Variants in ARAP2 observed in about 807,000 individuals in gnomAD.
ARAP2 encodes ArfGAP with RhoGAP domain, ankyrin repeat and PH domain 2.
In ARAP2, 148 loss-of-function variants were observed where a neutral mutation model predicts 194.5. The ratio of observed to expected loss-of-function variants is 0.76; its 90% CI spans 0.67 to 0.87. The LOEUF (loss-of-function observed/expected upper bound fraction) is 0.87. Among genes scored for constraint, ARAP2 ranks in the 40% least tolerant of loss-of-function variants. The pLI, the probability that ARAP2 is intolerant of heterozygous loss-of-function variation, is 0.00. For missense variants in ARAP2, 2,128 were observed against 1,989.7 expected, an observed-to-expected ratio of 1.07 and a Z score of -1.32; for synonymous variants, 695 against 683.5, an observed-to-expected ratio of 1.02 and a Z score of -0.26.
At chr4:36,120,961 T>G (rs1459830872) in intron 23 of ARAP2, among the ~76,000 whole-genome samples, 1 of 151,594 alleles carries the variant, frequency 6.6e-6, no homozygotes, top group Non-Finnish European at 1.5e-5. Flanking sequence ...CAAACAGATA[T>G]CAGATGGTAA....
rs1428226569 is a variant in ARAP2, at chr4:36,244,249, C to G, written c.-230G>C. ...TGGGAAGCTCAGCGCCGGCGTCTCT[C>G]CCAGCCTTGGGCGCTCGGTCCTCGC... On this transcript the variant is annotated 5_prime_UTR_variant, in exon 1 of 33. Coordinates refer to ENST00000303965, the MANE Select transcript of ARAP2 (RefSeq NM_015230.4). The G allele has an allele frequency of 6.6e-6, 1 of 152,042 alleles. No homozygotes were observed. The highest frequency in any genetic ancestry group is 2.4e-5 in the African/African-American group (1 of 41,416). The allele number at this position is 152,042 out of a possible 1,614,324, so 9.4% of individuals were successfully genotyped here.
intron 2 of ARAP2, among the ~76,000 whole-genome samples, chr4:36,056,068 A>G (rs1438286136): frequency 1.3e-5 from 2 of 152,230 alleles, no homozygotes; most frequent in South Asian, 4.1e-4. Context: ...TGGGCAGAAA[A>G]TGATTAAGAA....
intron 26 of ARAP2, among the ~76,000 whole-genome samples, chr4:36,108,019 G>A (rs984512741): frequency 6.6e-6 from 1 of 151,668 alleles, no homozygotes; most frequent in African/African-American, 2.4e-5. Flanking sequence ...TCTACCCCTT[G>A]TACAATACAT....
intron 27 of ARAP2, among the ~76,000 whole-genome samples, chr4:36,103,593 T>C (rs920827162): frequency 6.6e-6 from 1 of 151,770 alleles, no homozygotes; most frequent in African/African-American, 2.4e-5. Context: ...TTGAGGACTA[T>C]TACCTTTGTT....
chr4:36,033,610 TATTG>T (rs1361002463), intron 5 of ARAP2, among the ~76,000 whole-genome samples: 2 of 151,746 alleles, frequency 1.3e-5, no homozygotes, highest in South Asian at 2.1e-4. Context: ...CTGTTTACTA[TATTG>T]ATTGTTTCTT....
intron 7 of ARAP2, among the ~76,000 whole-genome samples, chr4:36,189,971 A>C (rs1741506966): frequency 6.6e-6 from 1 of 152,210 alleles, no homozygotes; most frequent in Non-Finnish European, 1.5e-5. Context: ...TTGCACCCAC[A>C]TAGCTTGCAT....
At chr4:36,107,801 A>G in intron 26 of ARAP2, 108 bp from the exon 27 acceptor site, 1 of 976,946 alleles carries the variant, frequency 1.0e-6, no homozygotes, top group Non-Finnish European at 1.4e-6. Context: ...TGTAGGCAAC[A>G]TTATACACAA....
intron 14 of ARAP2, 137 bp from the exon 15 acceptor site, chr4:36,159,001 AT>A: frequency 1.1e-6 from 1 of 872,482 alleles, no homozygotes; most frequent in Non-Finnish European, 1.6e-6. Context: ...AGAGATACTT[AT>A]TTTACTTTGC....
intron 9 of ARAP2, among the ~76,000 whole-genome samples, chr4:36,010,703 C>G (rs1169365149): frequency 6.6e-6 from 1 of 152,100 alleles, no homozygotes; most frequent in Non-Finnish European, 1.5e-5. Flanking sequence ...AAATTCAACC[C>G]CTTACATAGA....
intron 6 of ARAP2, among the ~76,000 whole-genome samples, chr4:36,198,863 A>G (rs903131659): frequency 1.3e-5 from 2 of 152,210 alleles, no homozygotes; most frequent in Non-Finnish European, 2.9e-5. Context: ...GCAACTGGGA[A>G]CACAGGGCTC....
chr4:36,032,241 G>C (rs184296608), intron 5 of ARAP2, among the ~76,000 whole-genome samples: 2 of 152,228 alleles, frequency 1.3e-5, no homozygotes, highest in Admixed American at 1.3e-4. Flanking sequence ...AGACACCAAA[G>C]GTAGGAGGTA....
Position 36,124,970 on chromosome 4 carries a change from G to A in ARAP2, c.3641-3C>T. 1 of 1,573,682 alleles carries A rather than the reference G, an allele frequency of 6.4e-7. No individual in the cohort carries two copies. The highest frequency in any genetic ancestry group is 8.7e-7 in the Non-Finnish European group (1 of 1,148,618). On this transcript the variant is annotated splice_region_variant and splice_polypyrimidine_tract_variant and intron_variant, in intron 21 of 32. Transcript: ENST00000303965. Reference sequence around the variant, plus strand: ...TCTTTCCTTGTCATCTTGCGTATCTGAAGGGGAAAAAAAAACAATCTTGAG... The same window carrying A: ...TCTTTCCTTGTCATCTTGCGTATCTAAAGGGGAAAAAAAAACAATCTTGAG...
At position 36,027,435 on chromosome 4, in the gene ARAP2, T is replaced by A. The variant is rs191946855; in HGVS notation, n.608-8149A>T. 7.1e-4 allele frequency among the ~76,000 whole-genome samples: 108 copies of A among 151,654 alleles called. 1 individual carries two copies. Among genetic ancestry groups the A allele is most frequent in the African/African-American group, 2.4e-3 (98 of 41,320 alleles). The stretch of plus-strand genomic sequence containing the variant: ...GCTGTTTCCTTTATCTTGAATGCCT[T>A]TCTTCTTCATGGCTGATTGGGCTCA... On this transcript the variant is annotated intron_variant and non_coding_transcript_variant, in intron 5 of 12. Transcript: ENST00000503225.
At chr4:36,219,517 C>T (rs1748701260) in intron 2 of ARAP2, among the ~76,000 whole-genome samples, 1 of 152,078 alleles carries the variant, frequency 6.6e-6, no homozygotes, top group Non-Finnish European at 1.5e-5. Flanking sequence ...GAATTTACTG[C>T]AAATGGTCAC....
At chr4:36,122,729 C>T (rs1028668236) in intron 22 of ARAP2, among the ~76,000 whole-genome samples, 1 of 151,598 alleles carries the variant, frequency 6.6e-6, no homozygotes, top group African/African-American at 2.4e-5. Flanking sequence ...GTGTAACAAA[C>T]CTACACACTG....
At chr4:36,134,642 A>G (rs960828437) in intron 19 of ARAP2, among the ~76,000 whole-genome samples, 4 of 151,616 alleles carry the variant, frequency 2.6e-5, no homozygotes, top group Admixed American at 6.6e-5. Context: ...TTCAAGATAA[A>G]AAGTCTTCAT....
chr4:36,193,490 C>T, intron 7 of ARAP2, 88 bp downstream of exon 7: 2 of 696,330 alleles, frequency 2.9e-6, no homozygotes, highest in Non-Finnish European at 4.7e-6. Flanking sequence ...GAGAATCTAC[C>T]TCCTATTCTT....
chr4:36,071,918 T>A (rs1241669175), intron 32 of ARAP2, among the ~76,000 whole-genome samples: 3 of 151,910 alleles, frequency 2.0e-5, no homozygotes, highest in Admixed American at 2.0e-4. Context: ...ATCTCATTGT[T>A]CAATTCCCAC....
At position 36,177,996 on chromosome 4, in the gene ARAP2, T is replaced by A. The variant is rs758281509; in HGVS notation, c.1688A>T (p.Asn563Ile). The A allele has an allele frequency of 5.7e-6, 9 of 1,592,192 alleles. No homozygotes were observed. The highest frequency in any genetic ancestry group is 1.4e-5 in the African/African-American group (1 of 73,744). Reference sequence around the variant, plus strand: ...ATTTAATAGTATGCTGATCCAGTCATTTCTCTCCTCTGAAAATGAAGACAG... The same window carrying A: ...ATTTAATAGTATGCTGATCCAGTCAATTCTCTCCTCTGAAAATGAAGACAG... The part of the protein sequence containing the change: ...VFRVEKEEER[N>I]DWISILLNAL... The change falls in exon 9 of 33, where the codon AAT (asparagine) becomes ATT (isoleucine). Residue 563 changes from asparagine (N) to isoleucine (I), a missense_variant. Asn to Ile is a moderately radical substitution (Grantham distance 149, BLOSUM62 -3). Coordinates refer to ENST00000303965, the MANE Select transcript of ARAP2 (RefSeq NM_015230.4).
Sources: gnomAD v4.1 joint callset for allele counts (sites outside exome capture counted in the v4.1 genomes callset) on GRCh38, gnomAD v4.1.1 for gene constraint, MANE v1.5 for transcripts, NCBI Gene and HGNC (gene_info 2026-07-23, HGNC 2026-07-21) for gene names.